The following STAP1 variants were observed in gnomAD, a reference collection of about 807,000 sequenced individuals.
STAP1 encodes signal-transducing adaptor protein 1.
Under a neutral mutation model 37.8 loss-of-function variants are expected in STAP1, and 30 were observed. The ratio of observed to expected loss-of-function variants is 0.79; its 90% confidence interval spans 0.59 to 1.08. The LOEUF (loss-of-function observed/expected upper bound fraction) is 1.08, where lower values mean the gene tolerates loss of function less well. Among genes scored for constraint, STAP1 ranks in the 50% least tolerant of loss-of-function variants. The probability of loss-of-function intolerance (pLI) is 0.00; values close to 1 mark genes in which losing one functional copy is unlikely to be tolerated. For missense variants in STAP1, 357 were observed against 349.4 expected (o/e 1.02, Z -0.17); for synonymous variants, 130 against 116.0 (o/e 1.12, Z -0.78).
chr4:67,581,545 C>A, intron 5 of STAP1, 74 bp downstream of exon 5: 1 of 1,491,988 alleles, frequency 6.7e-7, no homozygotes, highest in South Asian at 1.4e-5. Flanking sequence ...GAGAGTTAGT[C>A]ACTTGCTCTT....
At position 67,566,341 on chromosome 4, in the gene STAP1, T is replaced by C. The variant is rs1038087720; in HGVS notation, c.121-4743T>C. Among the ~76,000 whole-genome samples the C allele has an allele frequency of 2.0e-5, 3 of 152,164 alleles. 1 individual carries two copies. The highest frequency in any genetic ancestry group is 7.2e-5 in the African/African-American group (3 of 41,444). ...CAGCCAGACACAGAAATCACACAAA[T>C]GAAGATCAGTTAGTTACTTTTATTA... On this transcript the variant is annotated intron_variant, in intron 1 of 8. Coordinates refer to ENST00000265404, the MANE Select transcript of STAP1 (RefSeq NM_012108.4).
chr4:67,576,229 C>G (rs6845675), intron 3 of STAP1, among the ~76,000 whole-genome samples: 82,018 of 151,962 alleles, frequency 0.54, 22,988 homozygotes, highest in Non-Finnish European at 0.63. Flanking sequence ...TCCTATGCCC[C>G]TAGTTGGACT....
At chr4:67,569,216 G>A (rs1434733613) in intron 1 of STAP1, among the ~76,000 whole-genome samples, 1 of 152,074 alleles carries the variant, frequency 6.6e-6, no homozygotes, top group Non-Finnish European at 1.5e-5. Flanking sequence ...TCTAAACATA[G>A]CAAAAGCAGA....
Position 67,585,938 on chromosome 4 carries a change from T to G in STAP1, c.659+2236T>G, listed in dbSNP as rs112537081. Among the ~76,000 whole-genome samples, 15 of 152,342 alleles carry G rather than the reference T, an allele frequency of 9.8e-5. 1 individual carries two copies. The highest frequency in any genetic ancestry group is 3.4e-4 in the African/African-American group (14 of 41,578). On this transcript the variant is annotated intron_variant, in intron 6 of 8. Transcript: ENST00000265404. ...AACCGTTTACTTCCACTTTTAAAGATGAGAGGATGTAACACTGAATTAAAA... is the reference window on the plus strand; with the variant it reads ...AACCGTTTACTTCCACTTTTAAAGAGGAGAGGATGTAACACTGAATTAAAA...
intron 6 of STAP1, among the ~76,000 whole-genome samples, chr4:67,584,019 A>G (rs2109866850): frequency 6.7e-6 from 1 of 149,220 alleles, no homozygotes; most frequent in South Asian, 2.1e-4. Flanking sequence ...AATTGCTTGA[A>G]CCCAGGAGGC....
chr4:67,564,217 G>A (rs1194786059), intron 1 of STAP1, among the ~76,000 whole-genome samples: 2 of 152,126 alleles, frequency 1.3e-5, no homozygotes, highest in Non-Finnish European at 2.9e-5. Flanking sequence ...AATGCTATTT[G>A]TAACCTTACT....
chr4:67,606,544 C>A lies in STAP1; in HGVS notation c.*187C>A, dbSNP rs921631976. ...ATCTTATCAGAATGAAACCAATTCA[C>A]AGGGAAACTAGAGACTACGGCTGTG... On this transcript the variant is annotated 3_prime_UTR_variant, in exon 9 of 9. Transcript: ENST00000265404. 6 of 543,802 alleles carry A rather than the reference C, an allele frequency of 1.1e-5. No individual in the cohort carries two copies. The highest frequency in any genetic ancestry group is 3.8e-5 in the Admixed American group (1 of 26,116). 33.7% of individuals were successfully genotyped at this position (543,802 alleles called of 1,614,324 possible).
intron 1 of STAP1, among the ~76,000 whole-genome samples, chr4:67,563,596 G>A (rs531363930): frequency 3.3e-5 from 5 of 152,194 alleles, no homozygotes; most frequent in Admixed American, 1.3e-4. Context: ...TCAGGTACTC[G>A]GGAGGCTGAA....
intron 8 of STAP1, among the ~76,000 whole-genome samples, chr4:67,605,970 G>C (rs1560469946): frequency 6.6e-6 from 1 of 152,056 alleles, no homozygotes; most frequent in Admixed American, 6.5e-5. Flanking sequence ...TCTTACACCA[G>C]AAGACAAGAG....
chr4:67,565,651 C>A (rs901100690), intron 1 of STAP1, among the ~76,000 whole-genome samples: 1 of 152,050 alleles, frequency 6.6e-6, no homozygotes, highest in East Asian at 1.9e-4. Context: ...TACACACATA[C>A]ATTATTAGTC....
chr4:67,604,736 A>C (rs1179166655), intron 8 of STAP1, among the ~76,000 whole-genome samples: 1 of 152,166 alleles, frequency 6.6e-6, no homozygotes, highest in Non-Finnish European at 1.5e-5. Context: ...TTTGAATATT[A>C]TGTTGTGAGC....
intron 1 of STAP1, 95 bp downstream of exon 1, chr4:67,559,024 T>C (rs2109849815): frequency 8.1e-7 from 1 of 1,227,598 alleles, no homozygotes; most frequent in Non-Finnish European, 1.1e-6. Flanking sequence ...TCCTTGTTTC[T>C]GTTGAAATTA....
intron 5 of STAP1, 23 bp downstream of exon 5, chr4:67,581,494 T>C (rs1176934867): frequency 1.3e-6 from 2 of 1,578,036 alleles, no homozygotes; most frequent in East Asian, 2.3e-5. Flanking sequence ...TGAACTGCAG[T>C]TTATTCATTC....
chr4:67,577,370 A>G, intron 4 of STAP1, 111 bp downstream of exon 4: 1 of 860,626 alleles, frequency 1.2e-6, no homozygotes, highest in Non-Finnish European at 1.7e-6. Flanking sequence ...CAATTGAAAA[A>G]GATAGACCTA....
chr4:67,596,784 T>G lies in STAP1; in HGVS notation c.826+3428T>G, dbSNP rs139296963. Among the ~76,000 whole-genome samples, 135 of 152,332 alleles carry G rather than the reference T, an allele frequency of 8.9e-4. 1 individual carries two copies. Among genetic ancestry groups the G allele is most frequent in the Non-Finnish European group, 1.6e-3 (112 of 68,028 alleles). On this transcript the variant is annotated intron_variant, in intron 8 of 8. Transcript: ENST00000265404. ...AAGAAACTTCTAAGCAGCACAGTGT[T>G]CAAGATGTGACCTGGCTTTTTCTAA...
chr4:67,560,877 G>A (rs1245050716), intron 1 of STAP1, among the ~76,000 whole-genome samples: 1 of 152,104 alleles, frequency 6.6e-6, no homozygotes, highest in Non-Finnish European at 1.5e-5. Context: ...TCAAACTCCT[G>A]GGCTCAAGCA....
chr4:67,583,914 C>T (rs1345595215), intron 6 of STAP1, among the ~76,000 whole-genome samples: 1 of 151,774 alleles, frequency 6.6e-6, no homozygotes, highest in Non-Finnish European at 1.5e-5. Flanking sequence ...CTGGCTAACA[C>T]GGTGAAACCC....
intron 2 of STAP1, among the ~76,000 whole-genome samples, chr4:67,572,823 C>A (rs1447037623): frequency 6.6e-6 from 1 of 152,066 alleles, no homozygotes; most frequent in Non-Finnish European, 1.5e-5. Flanking sequence ...ATTTTAATTC[C>A]GGCTTTATAG....
intron 6 of STAP1, among the ~76,000 whole-genome samples, chr4:67,589,264 C>T (rs1435579224): frequency 3.3e-5 from 5 of 152,202 alleles, no homozygotes; most frequent in African/African-American, 4.8e-5. Context: ...AAAAATGCTT[C>T]CTTCACCAAC....
Sources: allele counts gnomAD v4.1 joint callset (sites outside exome capture counted in the v4.1 genomes callset), GRCh38; gene constraint gnomAD v4.1.1; transcripts MANE v1.5; gene names NCBI Gene and HGNC (gene_info 2026-07-23, HGNC 2026-07-21).